The following FLI1 variants were observed in gnomAD, a reference collection of about 807,000 sequenced individuals.
FLI1 encodes the protein Friend leukemia integration 1 transcription factor.
A neutral mutation model predicts 53.1 loss-of-function variants in FLI1; 13 were observed. That is an observed-to-expected ratio of 0.24 (90% CI 0.16 to 0.39). The LOEUF (loss-of-function observed/expected upper bound fraction) is 0.39, where lower values mean the gene tolerates loss of function less well. FLI1 is among the 10% of genes least tolerant of loss of function. The pLI, the probability that FLI1 is intolerant of heterozygous loss-of-function variation, is 1.00. For missense variants in FLI1, 424 were observed against 600.5 expected (o/e 0.71, Z 3.07); for synonymous variants, 244 against 236.7 (o/e 1.03, Z -0.28).
chr11:128,739,918 CT>C (rs929625414), intron 1 of FLI1, among the ~76,000 whole-genome samples: 5 of 152,146 alleles, frequency 3.3e-5, no homozygotes, highest in African/African-American at 9.7e-5. Context: ...GGATTTTCCT[CT>C]AGCTGTGGGA....
chr11:128,735,521 A>G (rs1405804027), intron 1 of FLI1, among the ~76,000 whole-genome samples: 1 of 152,252 alleles, frequency 6.6e-6, no homozygotes, highest in Admixed American at 6.5e-5. Context: ...AGAGCTGATC[A>G]CCAATTTGGG....
intron 1 of FLI1, among the ~76,000 whole-genome samples, chr11:128,729,753 G>A (rs1363520309): frequency 2.6e-5 from 4 of 152,222 alleles, no homozygotes; most frequent in African/African-American, 9.7e-5. Flanking sequence ...CCCGGTTCTT[G>A]AGAACCAGGC....
At chr11:128,748,188 A>G in intron 1 of FLI1, 1 of 787,402 alleles carries the variant, frequency 1.3e-6, no homozygotes, top group Non-Finnish European at 1.5e-6. Context: ...GTAAAACACC[A>G]TTAAATAAAG....
intron 4 of FLI1, among the ~76,000 whole-genome samples, chr11:128,776,133 A>G (rs1941720001): frequency 6.6e-6 from 1 of 152,202 alleles, no homozygotes. Flanking sequence ...ATGCAAATGT[A>G]TTTTCCAGGG....
Position 128,805,447 on chromosome 11 carries a change from A to G in FLI1, c.721+16A>G, listed in dbSNP as rs753730242. ...CTCAACAAAAGTAAGTAAATGTTTT[A>G]TAGTTCTTTGGAGGAAAGCATGTTT... On this transcript the variant is annotated intron_variant, in intron 6 of 8. Coordinates refer to ENST00000527786, the MANE Select transcript of FLI1 (RefSeq NM_002017.5). 4.6e-6 allele frequency: 7 copies of G among 1,506,294 alleles called. No individual in the cohort carries two copies. The Admixed American group carries it at 5.8e-5, about 12-fold the overall frequency. 93.3% of individuals were successfully genotyped at this position (1,506,294 alleles called of 1,614,324 possible).
intron 1 of FLI1, among the ~76,000 whole-genome samples, chr11:128,746,148 T>A (rs1591774755): frequency 6.6e-6 from 1 of 151,732 alleles, no homozygotes. Flanking sequence ...GCAGGGAGGG[T>A]TTGCATTTCC....
rs907379234 is a variant in FLI1, at chr11:128,782,647, G to A, written c.655+624G>A. ...CAGGAGGCAGAGGCTGCAATGAGCC[G>A]AGTTCGCGCCACTGCACTCCAGCCT... is the stretch of plus-strand genomic sequence containing the variant. On this transcript the variant is annotated intron_variant, in intron 5 of 8. Transcript: ENST00000527786. 3.9e-5 allele frequency among the ~76,000 whole-genome samples: 6 copies of A among 152,276 alleles called. 1 individual carries two copies. The highest frequency in any genetic ancestry group is 4.1e-4 in the South Asian group (2 of 4,832).
intron 1 of FLI1, among the ~76,000 whole-genome samples, chr11:128,725,662 C>G (rs73015314): frequency 0.078 from 11,628 of 149,610 alleles, 740 homozygotes; most frequent in East Asian, 0.25. Flanking sequence ...CTCTCTCTCT[C>G]TGTGTGTGTG....
intron 1 of FLI1, among the ~76,000 whole-genome samples, chr11:128,732,750 T>C (rs1256746044): frequency 6.6e-6 from 1 of 152,184 alleles, no homozygotes; most frequent in African/African-American, 2.4e-5. Context: ...AAGCAAGTTA[T>C]GATTCTAAAA....
At chr11:128,780,204 C>G (rs1941864910) in intron 4 of FLI1, among the ~76,000 whole-genome samples, 1 of 152,216 alleles carries the variant, frequency 6.6e-6, no homozygotes, top group Admixed American at 6.5e-5. Context: ...TCCACATAGC[C>G]ACACTTTGGC....
At chr11:128,785,167 C>A (rs1326314575) in intron 5 of FLI1, among the ~76,000 whole-genome samples, 1 of 151,956 alleles carries the variant, frequency 6.6e-6, no homozygotes, top group East Asian at 1.9e-4. Context: ...TGGATTGGAT[C>A]CAGCTAGAGC....
Position 128,812,406 on chromosome 11 carries a change from T to A in FLI1, c.*1418T>A, listed in dbSNP as rs1205684265. 2 of 225,390 alleles carry A rather than the reference T, an allele frequency of 8.9e-6. No homozygotes were observed. The highest frequency in any genetic ancestry group is 1.8e-5 in the Non-Finnish European group (2 of 113,152). The allele number at this position is 225,390 out of a possible 1,614,324, so 14.0% of individuals were successfully genotyped here. On this transcript the variant is annotated 3_prime_UTR_variant, in exon 9 of 9. Coordinates refer to ENST00000527786, the MANE Select transcript of FLI1 (RefSeq NM_002017.5). ...AAAATAATTTGACTAAATAAATGGTTCCTTCTCTCAGTGCTGAGGACAGTT... is the reference window on the plus strand; with the variant it reads ...AAAATAATTTGACTAAATAAATGGTACCTTCTCTCAGTGCTGAGGACAGTT...
At chr11:128,774,763 C>T (rs1355096214) in intron 4 of FLI1, among the ~76,000 whole-genome samples, 1 of 152,176 alleles carries the variant, frequency 6.6e-6, no homozygotes, top group Admixed American at 6.5e-5. Context: ...CCATTCATGC[C>T]ATATGACCCC....
At position 128,812,856 on chromosome 11, in the gene FLI1, T is replaced by TA. The variant is rs1404566483; in HGVS notation, c.*1868_*1869insA. On this transcript the variant is annotated 3_prime_UTR_variant, in exon 9 of 9. Coordinates refer to ENST00000527786, the MANE Select transcript of FLI1 (RefSeq NM_002017.5). ...GGCTCATGCAGATTTTTAAGGTCAT[T>TA]TTTCTTCCCAAGGAAGAAACTTGCC... 4 of 115,232 alleles carry TA rather than the reference T, an allele frequency of 3.5e-5. No individual in the cohort carries two copies. Among genetic ancestry groups the TA allele is most frequent in the African/African-American group, 5.9e-5 (2 of 33,638 alleles). 7.1% of individuals were successfully genotyped at this position (115,232 alleles called of 1,614,324 possible).
intron 1 of FLI1, among the ~76,000 whole-genome samples, chr11:128,738,014 G>A (rs11819772): frequency 3.3e-5 from 5 of 152,098 alleles, no homozygotes; most frequent in Admixed American, 2.0e-4. Flanking sequence ...TCAACAAGAC[G>A]AGGTTCTACC....
chr11:128,795,733 G>A (rs1432578403), intron 5 of FLI1, among the ~76,000 whole-genome samples: 2 of 152,040 alleles, frequency 1.3e-5, no homozygotes, highest in African/African-American at 4.8e-5. Flanking sequence ...TGTATTTTTA[G>A]TAGAGACATG....
chr11:128,802,366 G>A (rs1245718152), intron 5 of FLI1, among the ~76,000 whole-genome samples: 1 of 152,204 alleles, frequency 6.6e-6, no homozygotes, highest in Non-Finnish European at 1.5e-5. Flanking sequence ...CCTTTGTGCA[G>A]CCAGGTACCA....
chr11:128,749,922 A>C (rs1940568538), intron 1 of FLI1, among the ~76,000 whole-genome samples: 1 of 152,206 alleles, frequency 6.6e-6, no homozygotes, highest in Non-Finnish European at 1.5e-5. Context: ...ACTTCAGATG[A>C]GACTTGGAGT....
intron 1 of FLI1, among the ~76,000 whole-genome samples, chr11:128,700,622 C>A (rs1213981811): frequency 6.6e-6 from 1 of 152,098 alleles, no homozygotes; most frequent in African/African-American, 2.4e-5. Flanking sequence ...GCCTGTAATC[C>A]CAGTTCTTTG....
Sources: allele counts gnomAD v4.1 joint callset (sites outside exome capture counted in the v4.1 genomes callset), GRCh38; gene constraint gnomAD v4.1.1; transcripts MANE v1.5; gene names NCBI Gene and HGNC (gene_info 2026-07-23, HGNC 2026-07-21).